IPO11: variants seen among roughly 807,000 people sequenced by gnomAD.
The protein encoded by IPO11 is importin 11.
Under a neutral mutation model 143.2 loss-of-function variants are expected in IPO11, and 66 were observed. The ratio of observed to expected loss-of-function variants is 0.46; its 90% CI spans 0.38 to 0.57. The LOEUF is 0.57. IPO11 is among the 20% of genes least tolerant of loss of function. The pLI is 0.00. For missense variants in IPO11, 1,026 were observed against 1,141.0 expected (o/e 0.90, Z 1.45); for synonymous variants, 385 against 377.8 (o/e 1.02, Z -0.22).
chr5:62,580,338 G>T (rs1173452272), intron 27 of IPO11: 89 of 1,541,136 alleles, frequency 5.8e-5, no homozygotes, highest in Non-Finnish European at 7.2e-5. Flanking sequence ...GTTTGTTAAA[G>T]AATTTAATTT....
intron 26 of IPO11, among the ~76,000 whole-genome samples, chr5:62,554,182 T>G (rs539852465): frequency 6.6e-6 from 1 of 152,402 alleles, no homozygotes; most frequent in South Asian, 2.1e-4. Flanking sequence ...AGTAATCCTT[T>G]GTTGGATATA....
chr5:62,616,886 C>T (rs7718484), intron 29 of IPO11, among the ~76,000 whole-genome samples: 108,902 of 152,090 alleles, frequency 0.72, 39,733 homozygotes, highest in African/African-American at 0.86. Context: ...TTTGTCATTT[C>T]TATAAATTAT....
At chr5:62,531,496 A>G (rs574075305) in intron 22 of IPO11, among the ~76,000 whole-genome samples, 157 of 152,162 alleles carry the variant, frequency 1.0e-3, no homozygotes, top group African/African-American at 3.6e-3. Flanking sequence ...ACACACAGCT[A>G]ATTTTTATAT....
At chr5:62,503,062 T>C (rs1421623108) in intron 16 of IPO11, among the ~76,000 whole-genome samples, 3 of 152,086 alleles carry the variant, frequency 2.0e-5, no homozygotes, top group Admixed American at 2.0e-4. Flanking sequence ...TGGCCTCAAG[T>C]GATCCGCCTG....
At chr5:62,591,816 CT>C (rs1190229756) in intron 28 of IPO11, 144 bp downstream of exon 28, 2 of 517,932 alleles carry the variant, frequency 3.9e-6, no homozygotes, top group African/African-American at 4.0e-5. Flanking sequence ...TGTTATTTTG[CT>C]TGTAATATTT....
Position 62,470,816 on chromosome 5 carries a change from C to CTTTT in IPO11, c.708+534_708+537dup, listed in dbSNP as rs70981015. 3.5e-3 allele frequency among the ~76,000 whole-genome samples: 217 copies of CTTTT among 62,566 alleles called. 33 individuals are homozygous for CTTTT. Among genetic ancestry groups the CTTTT allele is most frequent in the East Asian group, 0.011 (16 of 1,418 alleles). The allele number at this position is 62,566 out of a possible 152,430, so 41.0% of individuals were successfully genotyped here. The stretch of plus-strand genomic sequence containing the variant: ...TTCATTGTCTGTAGATAGCCATCTT[C>CTTTT]TTTTTTTTTTTTTTTTTTTTTTTTT... On this transcript the variant is annotated intron_variant, in intron 7 of 29. Coordinates refer to ENST00000325324, the MANE Select transcript of IPO11 (RefSeq NM_016338.5).
intron 20 of IPO11, among the ~76,000 whole-genome samples, chr5:62,524,727 AT>A (rs1490697216): frequency 1.3e-5 from 2 of 152,320 alleles, no homozygotes; most frequent in Non-Finnish European, 2.9e-5. Flanking sequence ...TAGTTAAAAA[AT>A]AATGTATTGT....
chr5:62,499,254 T>A (rs1319287793), intron 16 of IPO11, among the ~76,000 whole-genome samples: 1 of 152,232 alleles, frequency 6.6e-6, no homozygotes, highest in East Asian at 1.9e-4. Context: ...CAGTGTAGCA[T>A]GTTACTGTAC....
chr5:62,559,916 CAAA>C (rs759468696), intron 26 of IPO11, among the ~76,000 whole-genome samples: 10 of 17,054 alleles, frequency 5.9e-4, no homozygotes, highest in South Asian at 5.2e-3. Context: ...AACTCTGTCT[CAAA>C]AAAAAAAAAA....
At chr5:62,417,006 A>G (rs900378323) in intron 1 of IPO11, among the ~76,000 whole-genome samples, 1 of 152,042 alleles carries the variant, frequency 6.6e-6, no homozygotes, top group Non-Finnish European at 1.5e-5. Flanking sequence ...GTGTATTGGA[A>G]TTATATGGGT....
intron 26 of IPO11, among the ~76,000 whole-genome samples, chr5:62,559,853 T>C (rs1008918419): frequency 7.3e-6 from 1 of 137,296 alleles, no homozygotes; most frequent in Admixed American, 8.3e-5. Flanking sequence ...GAGGCAGAGG[T>C]TGCAGTGAAC....
intron 29 of IPO11, among the ~76,000 whole-genome samples, chr5:62,619,013 T>G (rs1242595560): frequency 1.3e-5 from 2 of 151,726 alleles, no homozygotes; most frequent in East Asian, 3.9e-4. Context: ...GGTGGATCAC[T>G]TGAGGTCAGG....
rs1746662258 is a variant in IPO11 at position 62,628,545 on chromosome 5, A to C, written c.*1227A>C. ...ATTTGATGTTTTCAGAAAGAGGAAGAAAATATGGTCCAAATTAAATTTTCC... is the reference window on the plus strand; with the variant it reads ...ATTTGATGTTTTCAGAAAGAGGAAGCAAATATGGTCCAAATTAAATTTTCC... On this transcript the variant is annotated 3_prime_UTR_variant, in exon 30 of 30. Transcript: ENST00000325324. 1 of 152,684 alleles carries C rather than the reference A, an allele frequency of 6.5e-6. No individual in the cohort carries two copies. 9.5% of individuals were successfully genotyped at this position (152,684 alleles called of 1,614,324 possible).
At chr5:62,587,132 T>C (rs938790891) in intron 27 of IPO11, among the ~76,000 whole-genome samples, 1 of 152,010 alleles carries the variant, frequency 6.6e-6, no homozygotes, top group Non-Finnish European at 1.5e-5. Context: ...CTTTTAGTTA[T>C]TCCTTGTAGT....
At chr5:62,425,760 G>A (rs1743715240) in intron 1 of IPO11, among the ~76,000 whole-genome samples, 1 of 152,174 alleles carries the variant, frequency 6.6e-6, no homozygotes, top group African/African-American at 2.4e-5. Flanking sequence ...AAATACAAAT[G>A]TATTTTCCTT....
At chr5:62,415,746 G>T (rs1449974559) in intron 1 of IPO11, among the ~76,000 whole-genome samples, 1 of 152,084 alleles carries the variant, frequency 6.6e-6, no homozygotes, top group East Asian at 1.9e-4. Flanking sequence ...GGGATTACAG[G>T]CTTGAGCCAC....
At chr5:62,496,754 A>G (rs1043052584) in intron 16 of IPO11, among the ~76,000 whole-genome samples, 1 of 152,226 alleles carries the variant, frequency 6.6e-6, no homozygotes, top group African/African-American at 2.4e-5. Context: ...CACATTGTGT[A>G]TGTATGTGTA....
intron 29 of IPO11, among the ~76,000 whole-genome samples, chr5:62,609,943 C>CT (rs1745869414): frequency 6.6e-6 from 1 of 151,042 alleles, no homozygotes; most frequent in African/African-American, 2.4e-5. Flanking sequence ...GCGCCTGCTC[C>CT]TGGGACCACA....
At chr5:62,566,095 G>A (rs997418663) in intron 27 of IPO11, among the ~76,000 whole-genome samples, 1 of 152,144 alleles carries the variant, frequency 6.6e-6, no homozygotes, top group Admixed American at 6.5e-5. Flanking sequence ...ACAAATGTGT[G>A]CATGTGTCTT....
Sources: allele counts gnomAD v4.1 joint callset (sites outside exome capture counted in the v4.1 genomes callset), GRCh38; gene constraint gnomAD v4.1.1; transcripts MANE v1.5; gene names NCBI Gene and HGNC (gene_info 2026-07-23, HGNC 2026-07-21).